Variants in SLC8A1 observed in about 807,000 individuals in gnomAD.
The protein encoded by SLC8A1 is sodium/calcium exchanger 1.
SLC8A1 carries 18 observed loss-of-function variants against 68.3 expected under a neutral mutation model. That is an observed-to-expected ratio of 0.26 (90% CI 0.18 to 0.39). The LOEUF (loss-of-function observed/expected upper bound fraction) is 0.39, where lower values mean the gene tolerates loss of function less well. Ranked by LOEUF, SLC8A1 falls within the 10% of genes least tolerant of loss-of-function variation. The pLI, the probability that SLC8A1 is intolerant of heterozygous loss-of-function variation, is 1.00. For missense variants in SLC8A1, 985 were observed against 1,156.7 expected, an observed-to-expected ratio of 0.85 and a Z score of 2.15; for synonymous variants, 475 against 415.5, an observed-to-expected ratio of 1.14 and a Z score of -1.74.
chr2:40,361,282 T>C (rs1421479439), intron 2 of SLC8A1, among the ~76,000 whole-genome samples: 2 of 152,144 alleles, frequency 1.3e-5, no homozygotes, highest in African/African-American at 4.8e-5. Flanking sequence ...CATCCAGGCA[T>C]TTGATGTGTG....
At chr2:40,113,315 T>G (rs984314115) in exon 8 of SLC8A1, 2 of 152,796 alleles carry the variant, frequency 1.3e-5, no homozygotes, top group African/African-American at 4.8e-5. Flanking sequence ...GGATTCCTTA[T>G]AGACACAGAA....
At chr2:40,157,553 C>T (rs2044780911) in intron 6 of SLC8A1, among the ~76,000 whole-genome samples, 1 of 152,180 alleles carries the variant, frequency 6.6e-6, no homozygotes, top group Non-Finnish European at 1.5e-5. Context: ...TTGCCCTCTT[C>T]TCTGACACAC....
chr2:40,245,890 T>A (rs1350505422), intron 2 of SLC8A1, among the ~76,000 whole-genome samples: 2 of 152,196 alleles, frequency 1.3e-5, no homozygotes, highest in Non-Finnish European at 2.9e-5. Context: ...TCGAGACTCA[T>A]TTCATGGATG....
chr2:40,143,265 C>G (rs957507779), intron 6 of SLC8A1, among the ~76,000 whole-genome samples: 2 of 152,178 alleles, frequency 1.3e-5, no homozygotes, highest in Non-Finnish European at 2.9e-5. Flanking sequence ...ACCATCTGGA[C>G]TACACTTAAA....
intron 4 of SLC8A1, among the ~76,000 whole-genome samples, chr2:40,167,247 A>G (rs752219140): frequency 4.9e-4 from 74 of 152,344 alleles, no homozygotes; most frequent in Non-Finnish European, 9.3e-4. Context: ...AGTTCCTAGT[A>G]TCTCGACTTT....
rs573665381 is a variant in SLC8A1, at chr2:40,320,958, C to T, written c.1808+107515G>A. The stretch of plus-strand genomic sequence containing the variant: ...TCCAATAGCCTGGATCCCTGGACTG[C>T]CCACTCTAACCATGCAGGCGGGGGA... On this transcript the variant is annotated intron_variant, in intron 2 of 7. Coordinates refer to ENST00000406785, the Ensembl canonical transcript of SLC8A1. 7.6e-4 allele frequency among the ~76,000 whole-genome samples: 115 copies of T among 152,232 alleles called. 1 individual carries two copies. Among genetic ancestry groups the T allele is most frequent in the African/African-American group, 2.7e-3 (113 of 41,544 alleles).
chr2:40,285,278 C>T (rs1460402005), intron 2 of SLC8A1, among the ~76,000 whole-genome samples: 1 of 152,242 alleles, frequency 6.6e-6, no homozygotes, highest in African/African-American at 2.4e-5. Context: ...ATACATCTGA[C>T]AGACGTTCTC....
chr2:40,158,497 G>A lies in SLC8A1; in HGVS notation c.2161+2268C>T, dbSNP rs1392333396. On this transcript the variant is annotated intron_variant, in intron 6 of 7. Coordinates refer to ENST00000406785, the Ensembl canonical transcript of SLC8A1. ...CCAAGCGGTCATTTAGAAACATAAA[G>A]CACAATATATTGTATGACAAGAAGA... 2.0e-5 allele frequency among the ~76,000 whole-genome samples: 3 copies of A among 152,234 alleles called. No homozygotes were observed. In the South Asian group the frequency reaches 6.2e-4, roughly 32 times the overall value.
At chr2:40,494,106 C>T (rs1284411304) in intron 1 of SLC8A1, among the ~76,000 whole-genome samples, 1 of 151,682 alleles carries the variant, frequency 6.6e-6, no homozygotes, top group Non-Finnish European at 1.5e-5. Flanking sequence ...ATCATTTGAC[C>T]TGCATTTTGT....
chr2:40,254,155 T>C (rs1231326281), intron 2 of SLC8A1, among the ~76,000 whole-genome samples: 1 of 151,908 alleles, frequency 6.6e-6, no homozygotes, highest in East Asian at 1.9e-4. Context: ...GAAATATTTA[T>C]AATCATTATG....
At chr2:40,443,711 A>C (rs555416308) in intron 1 of SLC8A1, among the ~76,000 whole-genome samples, 3 of 152,330 alleles carry the variant, frequency 2.0e-5, no homozygotes, top group Admixed American at 2.0e-4. Context: ...TGCTGGTCTC[A>C]GCTCTACTGA....
chr2:40,434,087 G>T (rs999670880), intron 1 of SLC8A1, among the ~76,000 whole-genome samples: 4 of 152,262 alleles, frequency 2.6e-5, no homozygotes, highest in Middle Eastern at 3.4e-3. Flanking sequence ...AAAAAGCCCT[G>T]CCCTTTATCC....
At chr2:40,227,927 A>G (rs1425106685) in intron 2 of SLC8A1, among the ~76,000 whole-genome samples, 1 of 152,152 alleles carries the variant, frequency 6.6e-6, no homozygotes, top group East Asian at 1.9e-4. Flanking sequence ...AAAGGGCTTC[A>G]AGTCTAGAAA....
In SLC8A1 at chr2:40,202,357, C is replaced by A. The variant is rs2054545529; in HGVS notation, c.1809-24502G>T. Among the ~76,000 whole-genome samples, 5 of 152,046 alleles carry A rather than the reference C, an allele frequency of 3.3e-5. No individual in the cohort carries two copies. In the South Asian group the frequency reaches 8.3e-4, roughly 25 times the overall value. ...ATCTGTGATTTATCACTCAGAATTA[C>A]CTCTTTTCTGAATTTACCATCAGAT... On this transcript the variant is annotated intron_variant, in intron 2 of 7. Transcript: ENST00000406785.
chr2:40,486,932 ATTGCAAG>A (rs1705007385), intron 1 of SLC8A1, among the ~76,000 whole-genome samples: 1 of 137,896 alleles, frequency 7.3e-6, no homozygotes, highest in Non-Finnish European at 1.5e-5. Flanking sequence ...TGAGCAAACT[ATTGCAAG>A]GACAGAAAAT....
intron 2 of SLC8A1, among the ~76,000 whole-genome samples, chr2:40,423,394 G>A (rs555605073): frequency 6.6e-6 from 1 of 152,114 alleles, no homozygotes; most frequent in South Asian, 2.1e-4. Flanking sequence ...TCCCATTTTA[G>A]AGTATAAGGA....
chr2:40,483,136 T>C (rs972589932), intron 1 of SLC8A1, among the ~76,000 whole-genome samples: 1 of 151,782 alleles, frequency 6.6e-6, no homozygotes, highest in African/African-American at 2.4e-5. Flanking sequence ...TGAACTAAAG[T>C]GCTGAAGACA....
intron 2 of SLC8A1, among the ~76,000 whole-genome samples, chr2:40,367,095 A>T (rs1045850692): frequency 6.6e-6 from 1 of 152,026 alleles, no homozygotes; most frequent in Non-Finnish European, 1.5e-5. Flanking sequence ...TAAAAACCAA[A>T]GAGTCATAAG....
At chr2:40,464,772 G>C (rs943771024) in intron 1 of SLC8A1, among the ~76,000 whole-genome samples, 2 of 152,216 alleles carry the variant, frequency 1.3e-5, no homozygotes, top group Non-Finnish European at 2.9e-5. Flanking sequence ...CCACCAGTTG[G>C]TGGGAGTCAA....
Sources: gnomAD v4.1 joint callset for allele counts (sites outside exome capture counted in the v4.1 genomes callset) on GRCh38, gnomAD v4.1.1 for gene constraint, MANE v1.5 for transcripts, NCBI Gene and HGNC (gene_info 2026-07-23, HGNC 2026-07-21) for gene names.